The following SGCZ variants were observed in gnomAD, a reference collection of about 807,000 sequenced individuals.
SGCZ encodes zeta-sarcoglycan.
A neutral mutation model predicts 41.3 loss-of-function variants in SGCZ; 40 were observed. The ratio of observed to expected loss-of-function variants is 0.97; its 90% CI spans 0.75 to 1.26. The LOEUF is 1.26. Among genes scored for constraint, SGCZ ranks in the 50% most tolerant of loss-of-function variants. The pLI, the probability that SGCZ is intolerant of heterozygous loss-of-function variation, is 0.00. For missense variants in SGCZ, 552 were observed against 369.8 expected (o/e 1.49, Z -4.04); for synonymous variants, 206 against 137.5 (o/e 1.50, Z -3.49).
chr8:14,631,298 T>C (rs572259846), intron 1 of SGCZ, among the ~76,000 whole-genome samples: 7 of 152,116 alleles, frequency 4.6e-5, no homozygotes, highest in Non-Finnish European at 1.0e-4. Flanking sequence ...TTTTTATTAT[T>C]ATTATACTTT....
intron 2 of SGCZ, among the ~76,000 whole-genome samples, chr8:14,361,621 G>C (rs1287889653): frequency 6.6e-6 from 1 of 152,140 alleles, no homozygotes; most frequent in African/African-American, 2.4e-5. Context: ...CGATGGGTTA[G>C]AACATGCTCC....
chr8:15,235,389 C>T (rs911121582), intron 1 of SGCZ, among the ~76,000 whole-genome samples: 2 of 152,198 alleles, frequency 1.3e-5, no homozygotes, highest in African/African-American at 4.8e-5. Flanking sequence ...CCAGTTTTGA[C>T]CCTCAAAAGT....
At chr8:14,526,214 T>C (rs1802945013) in intron 2 of SGCZ, among the ~76,000 whole-genome samples, 1 of 152,132 alleles carries the variant, frequency 6.6e-6, no homozygotes, top group African/African-American at 2.4e-5. Context: ...ATAAGTGTAA[T>C]ATTTGACAGC....
chr8:14,299,439 A>G (rs551353977), intron 3 of SGCZ, among the ~76,000 whole-genome samples: 1 of 152,164 alleles, frequency 6.6e-6, no homozygotes, highest in South Asian at 2.1e-4. Flanking sequence ...TCAAGAATAT[A>G]TAAACAATTC....
At chr8:14,687,725 G>C (rs1045450098) in intron 1 of SGCZ, among the ~76,000 whole-genome samples, 3 of 151,446 alleles carry the variant, frequency 2.0e-5, no homozygotes, top group African/African-American at 7.3e-5. Context: ...TGAGATGGCT[G>C]GGTCAAATGG....
rs559711492 is a variant in SGCZ, at chr8:14,955,161, G to A, written c.39+282424C>T. On this transcript the variant is annotated intron_variant, in intron 1 of 7. Coordinates refer to ENST00000382080, the MANE Select transcript of SGCZ (RefSeq NM_139167.4). ...TATTGGCCATGCATCCATATCCAGC[G>A]TAATTTAGTGAAGTTAAAAAAAAGA... Among the ~76,000 whole-genome samples, 11 of 151,748 alleles carry A rather than the reference G, an allele frequency of 7.2e-5. No homozygotes were observed. The South Asian group carries it at 1.0e-3, about 14-fold the overall frequency.
Position 15,208,155 on chromosome 8 carries a change from A to G in SGCZ, c.39+29430T>C, listed in dbSNP as rs550916942. Reference sequence around the variant, plus strand: ...GTGAGAAATAATGCCTTTCAAGGCCAAAATAAGTTCCCTGAAGAATGTGTA... The same window carrying G: ...GTGAGAAATAATGCCTTTCAAGGCCGAAATAAGTTCCCTGAAGAATGTGTA... On this transcript the variant is annotated intron_variant, in intron 1 of 7. Transcript: ENST00000382080. Among the ~76,000 whole-genome samples, 18 of 152,370 alleles carry G rather than the reference A, an allele frequency of 1.2e-4. No individual in the cohort carries two copies. The South Asian group carries it at 3.7e-3, about 32-fold the overall frequency.
At chr8:15,072,352 G>C (rs1470794712) in intron 1 of SGCZ, among the ~76,000 whole-genome samples, 1 of 152,086 alleles carries the variant, frequency 6.6e-6, no homozygotes, top group Non-Finnish European at 1.5e-5. Context: ...GTGGTTTGAA[G>C]AGTACACAAA....
At chr8:15,182,800 T>A (rs1231185152) in intron 1 of SGCZ, among the ~76,000 whole-genome samples, 4 of 152,254 alleles carry the variant, frequency 2.6e-5, no homozygotes, top group African/African-American at 9.6e-5. Flanking sequence ...GAAACTTTTT[T>A]ACTTTATCAA....
Position 15,069,196 on chromosome 8 carries a change from T to C in SGCZ, c.39+168389A>G, listed in dbSNP as rs1012589777. Among the ~76,000 whole-genome samples the C allele has an allele frequency of 4.6e-5, 7 of 152,106 alleles. 1 individual carries two copies. Among genetic ancestry groups the C allele is most frequent in the Admixed American group, 3.9e-4 (6 of 15,260 alleles). On this transcript the variant is annotated intron_variant, in intron 1 of 7. Transcript: ENST00000382080. ...GGTTTTTTTGGGGTTTTGTTGTTTCTTGTTTGTTTTGTTTTTTGGTAGAGA... is the reference window on the plus strand; with the variant it reads ...GGTTTTTTTGGGGTTTTGTTGTTTCCTGTTTGTTTTGTTTTTTGGTAGAGA...
At chr8:15,117,153 C>T (rs924017289) in intron 1 of SGCZ, among the ~76,000 whole-genome samples, 6 of 152,022 alleles carry the variant, frequency 3.9e-5, no homozygotes, top group Non-Finnish European at 7.4e-5. Context: ...AGGCGGATAA[C>T]GAGGTCAGGA....
At chr8:14,889,879 T>G (rs1804945696) in intron 1 of SGCZ, among the ~76,000 whole-genome samples, 1 of 152,054 alleles carries the variant, frequency 6.6e-6, no homozygotes, top group African/African-American at 2.4e-5. Flanking sequence ...TGAAAGGAAG[T>G]GTCACACATC....
intron 1 of SGCZ, among the ~76,000 whole-genome samples, chr8:15,232,592 C>A (rs1801979682): frequency 1.3e-5 from 2 of 150,680 alleles, no homozygotes; most frequent in Non-Finnish European, 3.0e-5. Context: ...AATTAAACAA[C>A]TTTATTTCCA....
intron 1 of SGCZ, among the ~76,000 whole-genome samples, chr8:14,745,144 C>T (rs1361707807): frequency 1.3e-5 from 2 of 152,160 alleles, no homozygotes; most frequent in Non-Finnish European, 2.9e-5. Context: ...TCTACCTGCA[C>T]TTTTAGCATT....
intron 1 of SGCZ, among the ~76,000 whole-genome samples, chr8:15,186,921 T>C (rs896602030): frequency 3.3e-5 from 5 of 152,176 alleles, no homozygotes; most frequent in Admixed American, 2.0e-4. Context: ...TGCCTCTGAA[T>C]GCGTTTTTAT....
chr8:14,997,168 T>C (rs1409142433), intron 1 of SGCZ, among the ~76,000 whole-genome samples: 2 of 152,216 alleles, frequency 1.3e-5, no homozygotes. Flanking sequence ...CATTCACATA[T>C]CTGTCCCGTA....
intron 1 of SGCZ, among the ~76,000 whole-genome samples, chr8:15,180,226 T>C (rs1800127502): frequency 6.6e-6 from 1 of 151,828 alleles, no homozygotes; most frequent in Non-Finnish European, 1.5e-5. Context: ...CCACACATGT[T>C]CTCCCCAGTT....
chr8:15,207,903 T>G (rs567459062), intron 1 of SGCZ, among the ~76,000 whole-genome samples: 81 of 152,294 alleles, frequency 5.3e-4, no homozygotes, highest in African/African-American at 1.7e-3. Flanking sequence ...TTTCTCAATT[T>G]TAATACAAGT....
chr8:14,379,036 G>A (rs1804256663), intron 2 of SGCZ, among the ~76,000 whole-genome samples: 1 of 152,004 alleles, frequency 6.6e-6, no homozygotes, highest in South Asian at 2.1e-4. Context: ...AATTAATGGA[G>A]AATAACTAAA....
Sources: allele counts gnomAD v4.1 joint callset (sites outside exome capture counted in the v4.1 genomes callset), GRCh38; gene constraint gnomAD v4.1.1; transcripts MANE v1.5; gene names NCBI Gene and HGNC (gene_info 2026-07-23, HGNC 2026-07-21).